KCNQ1: variants seen among roughly 807,000 people sequenced by gnomAD.
KCNQ1 encodes potassium voltage-gated channel subfamily Q member 1, also known as potassium voltage-gated channel subfamily KQT member 1.
KCNQ1 carries 49 observed loss-of-function variants against 72.4 expected under a neutral mutation model. That is an observed-to-expected ratio of 0.68 (90% confidence interval 0.54 to 0.86). The LOEUF (loss-of-function observed/expected upper bound fraction) is 0.86. Among genes scored for constraint, KCNQ1 ranks in the 40% least tolerant of loss-of-function variants. The probability of loss-of-function intolerance (pLI) is 0.00; values close to 1 mark genes in which losing one functional copy is unlikely to be tolerated. For missense variants in KCNQ1, 790 were observed against 945.1 expected (o/e 0.84, Z 2.15); for synonymous variants, 450 against 412.6 (o/e 1.09, Z -1.10).
chr11:2,460,695 C>G (rs1342870976), intron 1 of KCNQ1, among the ~76,000 whole-genome samples: 1 of 152,196 alleles, frequency 6.6e-6, no homozygotes, highest in African/African-American at 2.4e-5. Flanking sequence ...GGACTCCGCT[C>G]TTGTGGGGCA....
At chr11:2,821,236 C>T (rs1166922944) in intron 15 of KCNQ1, among the ~76,000 whole-genome samples, 7 of 152,234 alleles carry the variant, frequency 4.6e-5, no homozygotes, top group Non-Finnish European at 1.0e-4. Flanking sequence ...CCCGTTTCCT[C>T]GCCTCTCAGC....
rs1851175652 is a variant in KCNQ1 at position 2,720,008 on chromosome 11, C to G, written c.1515-48836C>G. Among the ~76,000 whole-genome samples the G allele has an allele frequency of 6.6e-6, 1 of 152,232 alleles. No homozygotes were observed. The highest frequency in any genetic ancestry group is 2.4e-5 in the African/African-American group (1 of 41,454). On this transcript the variant is annotated intron_variant, in intron 11 of 15. Transcript: ENST00000155840. The surrounding 1 kb of genome is among the most constrained non-coding windows in gnomAD (Gnocchi z 5.1). ...CTGGGCGGAGGTGGAGCCGCTTCAC[C>G]ATACATGCAAATGTAGCAAACTGCA...
chr11:2,624,834 C>T lies in KCNQ1; in HGVS notation c.1393+35980C>T, dbSNP rs1849238191. On this transcript the variant is annotated intron_variant, in intron 10 of 15. Transcript: ENST00000155840. This position sits in a 1 kb window ranked among gnomAD's most constrained non-coding sequence, Gnocchi z 4.9. ...CATACCTCATATAAGTGGAAACATA[C>T]AGTACTTCTCTTCTTGTGACTGCTG... is the stretch of plus-strand genomic sequence containing the variant. 1 of 398,550 alleles carries T rather than the reference C, an allele frequency of 2.5e-6. No homozygotes were observed. Among genetic ancestry groups the T allele is most frequent in the Non-Finnish European group, 4.4e-6 (1 of 226,042 alleles). 24.7% of individuals were successfully genotyped at this position (398,550 alleles called of 1,614,324 possible).
chr11:2,661,888 C>T lies in KCNQ1; in HGVS notation c.1394-73C>T. On this transcript the variant is annotated intron_variant, in intron 10 of 15. Transcript: ENST00000155840. This position sits in a 1 kb window ranked among gnomAD's most constrained non-coding sequence, Gnocchi z 5.9. ...CACTCCTCACCTGGCCCTGGGAGCT[C>T]ACAGGCCTGGCTCCACAGCACTGGC... 1.9e-6 allele frequency: 3 copies of T among 1,598,488 alleles called. No homozygotes were observed. The highest frequency in any genetic ancestry group is 2.6e-6 in the Non-Finnish European group (3 of 1,166,842).
rs1589979197 is a variant in KCNQ1, at chr11:2,608,661, G to T, written c.1393+19807G>T. 1 of 398,516 alleles carries T rather than the reference G, an allele frequency of 2.5e-6. No individual in the cohort carries two copies. The highest frequency in any genetic ancestry group is 3.6e-5 in the East Asian group (1 of 28,070). 24.7% of individuals were successfully genotyped at this position (398,516 alleles called of 1,614,324 possible). On this transcript the variant is annotated intron_variant, in intron 10 of 15. Transcript: ENST00000155840. The surrounding 1 kb of genome is among the most constrained non-coding windows in gnomAD (Gnocchi z 4.6). ...AAATATTTTGTAGAGATAGGGTCTT[G>T]CTTTGTTGTGCATGCTATTCTTGAA...
intron 15 of KCNQ1, among the ~76,000 whole-genome samples, chr11:2,779,628 G>T (rs1001720223): frequency 6.6e-6 from 1 of 152,134 alleles, no homozygotes; most frequent in African/African-American, 2.4e-5. Flanking sequence ...CTTTCTTACG[G>T]CTCTGCCCCT....
chr11:2,614,856 G>C (rs1237407150), intron 10 of KCNQ1: 1 of 398,204 alleles, frequency 2.5e-6, no homozygotes, highest in Non-Finnish European at 4.4e-6. Flanking sequence ...TTTTCAATAT[G>C]ATTTTAGATT....
intron 6 of KCNQ1, among the ~76,000 whole-genome samples, chr11:2,581,708 C>T (rs1489574899): frequency 6.6e-6 from 1 of 152,242 alleles, no homozygotes; most frequent in Non-Finnish European, 1.5e-5. Flanking sequence ...TGTGCCGGGT[C>T]GTGTGTTTCC....
Position 2,663,010 on chromosome 11 carries a change from G to A in KCNQ1, c.1514+929G>A. 2.5e-6 allele frequency: 1 copy of A among 398,768 alleles called. No individual in the cohort carries two copies. 24.7% of individuals were successfully genotyped at this position (398,768 alleles called of 1,614,324 possible). On this transcript the variant is annotated intron_variant, in intron 11 of 15. Transcript: ENST00000155840. The surrounding 1 kb of genome is among the most constrained non-coding windows in gnomAD (Gnocchi z 5.2). ...AAGGCCTGGCCTTGCAAATCACTGA[G>A]GAAATCGGGACCCATGGTGCTGGGG...
rs1847929979 is a variant in KCNQ1, at chr11:2,830,652, G to A, written c.1795-17115G>A. On this transcript the variant is annotated intron_variant, in intron 15 of 15. Transcript: ENST00000155840. The surrounding 1 kb of genome is among the most constrained non-coding windows in gnomAD (Gnocchi z 7.7). ...CCAGCCCAGGACCTCCTTCCTGGGTGGAGACCTTCCCACCCTTCCACTCAC... is the reference window on the plus strand; with the variant it reads ...CCAGCCCAGGACCTCCTTCCTGGGTAGAGACCTTCCCACCCTTCCACTCAC... 1.3e-5 allele frequency among the ~76,000 whole-genome samples: 2 copies of A among 152,106 alleles called. No homozygotes were observed. Among genetic ancestry groups the A allele is most frequent in the Non-Finnish European group, 2.9e-5 (2 of 67,978 alleles).
In KCNQ1 at chr11:2,500,969, C is replaced by G. The variant is rs531776711; in HGVS notation, c.387-26959C>G. Among the ~76,000 whole-genome samples the G allele has an allele frequency of 2.0e-3, 305 of 152,142 alleles. 1 individual carries two copies. Among genetic ancestry groups the G allele is most frequent in the Admixed American group, 3.4e-3 (52 of 15,274 alleles). ...GCAAACCACCATGGCACGTGTATGC[C>G]TATGTAACAAAACTGCATGTTCTGC... On this transcript the variant is annotated intron_variant, in intron 1 of 15. Transcript: ENST00000155840.
intron 11 of KCNQ1, among the ~76,000 whole-genome samples, chr11:2,707,976 C>T (rs1304116323): frequency 5.9e-5 from 9 of 152,294 alleles, no homozygotes; most frequent in South Asian, 2.1e-4. Context: ...TGTGTGTGGC[C>T]GGGTGAATGT....
At chr11:2,533,901 A>G (rs1406428209) in intron 2 of KCNQ1, among the ~76,000 whole-genome samples, 1 of 152,186 alleles carries the variant, frequency 6.6e-6, no homozygotes, top group Non-Finnish European at 1.5e-5. Context: ...CATACCAGGG[A>G]ATTGTCCTGC....
rs199473399 is a variant in KCNQ1, at chr11:2,570,710, T to G, written c.560T>G (p.Leu187Arg). ...SAGCRSKYVG[L>R]WGRLRFARKP... ...GGCTGCCGCAGCAAGTACGTGGGCC[T>G]CTGGGGGCGGCTGCGCTTTGCCCGG... is the stretch of plus-strand genomic sequence containing the variant. Residue 187 changes from leucine to arginine, a missense_variant, in exon 3 of 16, where the codon CTC (leucine) becomes CGC (arginine). By Grantham distance (102) the Leu-to-Arg change is moderately radical (BLOSUM62 -2). Transcript: ENST00000155840. 1 of 1,612,500 alleles carries G rather than the reference T, an allele frequency of 6.2e-7. No homozygotes were observed. The highest frequency in any genetic ancestry group is 8.5e-7 in the Non-Finnish European group (1 of 1,180,004).
intron 11 of KCNQ1, chr11:2,699,179 C>T (rs1384291799): frequency 2.5e-6 from 1 of 398,656 alleles, no homozygotes; most frequent in Non-Finnish European, 4.4e-6. Flanking sequence ...GAACTATAGA[C>T]CCGGAATCCG....
At chr11:2,448,658 C>T (rs1200833273) in intron 1 of KCNQ1, among the ~76,000 whole-genome samples, 1 of 152,230 alleles carries the variant, frequency 6.6e-6, no homozygotes, top group African/African-American at 2.4e-5. Context: ...GCCATCAGGT[C>T]TCTTTCTCTC....
chr11:2,831,038 C>A (rs756069140), intron 15 of KCNQ1, among the ~76,000 whole-genome samples: 2 of 152,224 alleles, frequency 1.3e-5, no homozygotes, highest in Non-Finnish European at 2.9e-5. Flanking sequence ...GCCCAATGGG[C>A]CCCCTGAGGG....
chr11:2,732,959 G>A (rs1020723896), intron 11 of KCNQ1, among the ~76,000 whole-genome samples: 3 of 152,144 alleles, frequency 2.0e-5, no homozygotes, highest in Non-Finnish European at 2.9e-5. Context: ...CTCCTGCTGG[G>A]GGCTGGTGAC....
rs528720146 is a variant in KCNQ1, at chr11:2,570,860, C to G, written c.604+106C>G. On this transcript the variant is annotated intron_variant, in intron 3 of 15. Transcript: ENST00000155840. ...GGAGTCCCCTAAGGACTGGGGAACCCCAAGGCCAGCAGGGGGTGACTGCCC... is the reference window on the plus strand; with the variant it reads ...GGAGTCCCCTAAGGACTGGGGAACCGCAAGGCCAGCAGGGGGTGACTGCCC... 3.9e-6 allele frequency: 6 copies of G among 1,521,700 alleles called. No individual in the cohort carries two copies. In the African/African-American group the frequency reaches 8.2e-5, roughly 21 times the overall value. 94.3% of individuals were successfully genotyped at this position (1,521,700 alleles called of 1,614,324 possible).
Sources: allele counts gnomAD v4.1 joint callset (sites outside exome capture counted in the v4.1 genomes callset), GRCh38; gene constraint gnomAD v4.1.1; non-coding constraint Gnocchi (gnomAD v3.1); transcripts MANE v1.5; gene names NCBI Gene and HGNC (gene_info 2026-07-23, HGNC 2026-07-21).